The following MCTP2 variants were observed in gnomAD, a reference collection of about 807,000 sequenced individuals.
MCTP2 encodes multiple C2 and transmembrane domain-containing protein 2.
In MCTP2, 132 loss-of-function variants were observed where a neutral mutation model predicts 111.6. That is an observed-to-expected ratio of 1.18 (90% CI 1.03 to 1.37). The LOEUF is 1.37. Among genes scored for constraint, MCTP2 ranks in the 40% most tolerant of loss-of-function variants. The probability of loss-of-function intolerance (pLI) is 0.00; values close to 1 mark genes in which losing one functional copy is unlikely to be tolerated. For synonymous variants in MCTP2, 395 were observed against 387.7 expected, an observed-to-expected ratio of 1.02 and a Z score of -0.22; for missense variants, 1,183 against 1,067.9, an observed-to-expected ratio of 1.11 and a Z score of -1.50.
intron 1 of MCTP2, among the ~76,000 whole-genome samples, chr15:94,240,308 A>G (rs1312990709): frequency 1.3e-5 from 2 of 152,158 alleles, no homozygotes; most frequent in Non-Finnish European, 1.5e-5. Context: ...AACTTGCACA[A>G]GGTCACCCAA....
At chr15:94,345,300 T>A (rs926173674) in intron 8 of MCTP2, 136 bp downstream of exon 8, 54 of 884,320 alleles carry the variant, frequency 6.1e-5, no homozygotes, top group Non-Finnish European at 7.8e-5. Context: ...CTGTTACGAA[T>A]AAGAAAACAA....
rs752013624 is a variant in MCTP2, at chr15:94,399,994, A to G, written c.1964A>G (p.Lys655Arg). The change falls in exon 16 of 23, where the codon AAG becomes AGG. Residue 655 changes from lysine to arginine, a missense_variant and splice_region_variant. Lys to Arg is a conservative substitution (Grantham distance 26, BLOSUM62 2). Coordinates refer to ENST00000357742, the MANE Select transcript of MCTP2 (RefSeq NM_001385001.1). ...FVEDSRKLSK[K>R]ILSRDVDRVK... ...GAAGACAGCCGCAAGCTGTCCAAAA[A>G]GGTGGGTCGCTACAGTAGGTGGCTT... is the stretch of plus-strand genomic sequence containing the variant. 1.1e-5 allele frequency: 17 copies of G among 1,613,842 alleles called. No homozygotes were observed. In the Admixed American group the frequency reaches 2.5e-4, roughly 24 times the overall value.
intron 12 of MCTP2, among the ~76,000 whole-genome samples, chr15:94,382,788 G>A (rs1567581528): frequency 6.6e-6 from 1 of 152,282 alleles, no homozygotes. Flanking sequence ...AATTAATTTA[G>A]CAAGCGCTGC....
intron 10 of MCTP2, 105 bp downstream of exon 10, chr15:94,358,717 T>A: frequency 2.2e-6 from 3 of 1,372,650 alleles, no homozygotes; most frequent in Non-Finnish European, 3.0e-6. Flanking sequence ...CTTGCATCCC[T>A]CACCCCAGAG....
chr15:94,312,817 T>C (rs2076208306), intron 2 of MCTP2, among the ~76,000 whole-genome samples: 1 of 152,116 alleles, frequency 6.6e-6, no homozygotes, highest in South Asian at 2.1e-4. Context: ...AGCCCGTCCT[T>C]GTTTGCAGCT....
chr15:94,279,648 A>G (rs766423089), intron 1 of MCTP2, among the ~76,000 whole-genome samples: 5 of 152,120 alleles, frequency 3.3e-5, no homozygotes, highest in Non-Finnish European at 5.9e-5. Context: ...TTCCAGTACT[A>G]TGCTGAATAG....
intron 17 of MCTP2, among the ~76,000 whole-genome samples, chr15:94,436,283 A>G (rs1190701551): frequency 1.3e-5 from 2 of 152,174 alleles, no homozygotes; most frequent in Admixed American, 1.3e-4. Flanking sequence ...AACATTTTTA[A>G]TTAACTCCAT....
At chr15:94,282,277 G>A (rs765760289) in intron 1 of MCTP2, among the ~76,000 whole-genome samples, 7 of 151,948 alleles carry the variant, frequency 4.6e-5, no homozygotes, top group South Asian at 2.1e-4. Context: ...GTCTGCCTGC[G>A]TTGATTCAAA....
At chr15:94,292,425 G>C (rs2152327091) in intron 1 of MCTP2, among the ~76,000 whole-genome samples, 1 of 152,226 alleles carries the variant, frequency 6.6e-6, no homozygotes, top group East Asian at 1.9e-4. Context: ...AATGTAGGAA[G>C]TTACAGGATA....
chr15:94,323,770 A>G (rs113264140), intron 4 of MCTP2, among the ~76,000 whole-genome samples: 6,180 of 152,252 alleles, frequency 0.041, 224 homozygotes, highest in East Asian at 0.15. Context: ...AATGGCCGCC[A>G]TCTTCCTGCA....
intron 22 of MCTP2, among the ~76,000 whole-genome samples, chr15:94,478,027 A>C (rs1298795990): frequency 6.6e-6 from 1 of 152,180 alleles, no homozygotes; most frequent in African/African-American, 2.4e-5. Context: ...GATCAGGCAT[A>C]ATGTCCTTGG....
intron 2 of MCTP2, among the ~76,000 whole-genome samples, chr15:94,307,080 T>C (rs1186004652): frequency 1.3e-5 from 2 of 152,172 alleles, no homozygotes; most frequent in Non-Finnish European, 2.9e-5. Context: ...GTCTCGCTGT[T>C]CTTCTTCCTT....
intron 4 of MCTP2, among the ~76,000 whole-genome samples, chr15:94,321,196 G>C (rs957320117): frequency 2.6e-5 from 4 of 152,106 alleles, no homozygotes; most frequent in African/African-American, 4.8e-5. Context: ...GGTTGGTTAA[G>C]GGGTACAAAA....
rs369111644 is a variant in MCTP2, at chr15:94,387,114, C to CCCTTCCT, written c.1788+1610_1788+1616dup. The stretch of plus-strand genomic sequence containing the variant: ...TTCCTTTTTCTCTCCTTCCTCTCCT[C>CCCTTCCT]CCTTCCTCCTTCCTCCTTCCTCCTT... On this transcript the variant is annotated intron_variant, in intron 14 of 22. Coordinates refer to ENST00000357742, the MANE Select transcript of MCTP2 (RefSeq NM_001385001.1). Among the ~76,000 whole-genome samples, 44 of 151,772 alleles carry CCCTTCCT rather than the reference C, an allele frequency of 2.9e-4. 1 individual carries two copies. The highest frequency in any genetic ancestry group is 5.9e-4 in the Admixed American group (9 of 15,246).
At chr15:94,314,999 G>T (rs984316981) in intron 3 of MCTP2, 3 of 320,292 alleles carry the variant, frequency 9.4e-6, no homozygotes, top group Non-Finnish European at 1.8e-5. Context: ...TGTGTCAGTT[G>T]GACATGTGGG....
At chr15:94,456,095 A>T (rs2084819619) in intron 19 of MCTP2, among the ~76,000 whole-genome samples, 1 of 152,242 alleles carries the variant, frequency 6.6e-6, no homozygotes, top group Non-Finnish European at 1.5e-5. Context: ...AGTCATCAAT[A>T]ATCAAAAATT....
At chr15:94,308,295 C>T (rs533680767) in intron 2 of MCTP2, among the ~76,000 whole-genome samples, 1 of 152,184 alleles carries the variant, frequency 6.6e-6, no homozygotes, top group South Asian at 2.1e-4. Context: ...CTTTTGGACT[C>T]CAGAGCCTTG....
At chr15:94,342,387 T>A (rs2077693451) in intron 7 of MCTP2, 1 of 152,146 alleles carries the variant, frequency 6.6e-6, no homozygotes, top group African/African-American at 2.4e-5. Context: ...GACTATGTTT[T>A]CAGGGCTCAA....
intron 1 of MCTP2, among the ~76,000 whole-genome samples, chr15:94,262,691 G>A (rs1325819340): frequency 1.3e-5 from 2 of 151,606 alleles, no homozygotes; most frequent in African/African-American, 4.9e-5. Flanking sequence ...GCGTGGAGGA[G>A]ACAGAGTCTT....
Sources: gnomAD v4.1 joint callset for allele counts (sites outside exome capture counted in the v4.1 genomes callset) on GRCh38, gnomAD v4.1.1 for gene constraint, MANE v1.5 for transcripts, NCBI Gene and HGNC (gene_info 2026-07-23, HGNC 2026-07-21) for gene names.